UCKL1: variants seen among roughly 807,000 people sequenced by gnomAD.
UCKL1 encodes the protein uridine-cytidine kinase-like 1.
UCKL1 carries 65 observed loss-of-function variants against 59.2 expected under a neutral mutation model. The ratio of observed to expected loss-of-function variants is 1.10; its 90% CI spans 0.90 to 1.35. The LOEUF is 1.35. Among genes scored for constraint, UCKL1 ranks in the 40% most tolerant of loss-of-function variants. The pLI, the probability that UCKL1 is intolerant of heterozygous loss-of-function variation, is 0.00. For synonymous variants in UCKL1, 410 were observed against 323.1 expected (o/e 1.27, Z -2.88); for missense variants, 703 against 784.3 (o/e 0.90, Z 1.24).
At chr20:63,948,580 TGTGTGTGAGAGGGAGGGGGCGTGTGTGA>T (rs2056921712) in intron 1 of UCKL1, 5 of 12,592 alleles carry the variant, frequency 4.0e-4, no homozygotes, top group Non-Finnish European at 8.3e-4. Flanking sequence ...AGGGAGGGGA[TGTGTGTGAGAGGGAGGGGGCGTGTGTGA>T]GAGGGAGGGG....
intron 1 of UCKL1, 22 bp from the exon 2 acceptor site, chr20:63,946,665 G>A: frequency 6.2e-7 from 1 of 1,601,138 alleles, no homozygotes; most frequent in Non-Finnish European, 8.5e-7. Flanking sequence ...GATGTACTCG[G>A]ATGTGGCCCA....
At chr20:63,947,925 G>A (rs550120665) in intron 1 of UCKL1, among the ~76,000 whole-genome samples, 8 of 152,326 alleles carry the variant, frequency 5.3e-5, no homozygotes, top group South Asian at 2.1e-4. Flanking sequence ...GCAGGGGGCC[G>A]TGACTGGCCA....
chr20:63,940,457 A>T lies in UCKL1; in HGVS notation c.1331T>A (p.Ile444Asn). 1 of 1,612,152 alleles carries T rather than the reference A, an allele frequency of 6.2e-7. No homozygotes were observed. Among genetic ancestry groups the T allele is most frequent in the Non-Finnish European group, 8.5e-7 (1 of 1,179,722 alleles). ...CATGAGGATCACGTGGTCATCGCTG[A>T]TGTCCTTGGGCAGCCTCAGGTAGTG... The part of the protein sequence containing the change: ...ELHYLRLPKD[I>N]SDDHVILMDC... The change falls in exon 13 of 15, where the codon ATC becomes AAC. Residue 444 changes from isoleucine to asparagine, a missense_variant. Physicochemically the swap from Ile to Asn is moderately radical, Grantham distance 149. Transcript: ENST00000354216.
intron 1 of UCKL1, chr20:63,955,191 G>C (rs1477933707): frequency 6.6e-6 from 1 of 152,222 alleles, no homozygotes; most frequent in Non-Finnish European, 1.5e-5. Flanking sequence ...AAGGGAGGTT[G>C]CAGTGAGCCG....
chr20:63,940,067 G>C lies in UCKL1; in HGVS notation c.1568-12C>G, dbSNP rs779342773. ...GTCGCCAAAGTTCCCTGGAAAAAGG[G>C]GGGGGGGGGTCCAGTGTGGTGGGGC... On this transcript the variant is annotated splice_polypyrimidine_tract_variant and intron_variant, in intron 14 of 14. Transcript: ENST00000354216. 1.5e-5 allele frequency: 17 copies of C among 1,147,074 alleles called. No homozygotes were observed. Among genetic ancestry groups the C allele is most frequent in the Middle Eastern group, 2.1e-4 (1 of 4,876 alleles). The allele number at this position is 1,147,074 out of a possible 1,614,324, so 71.1% of individuals were successfully genotyped here.
At chr20:63,941,591 C>T (rs552971982) in intron 8 of UCKL1, 3 of 248,808 alleles carry the variant, frequency 1.2e-5, no homozygotes, top group Non-Finnish European at 8.8e-6. Context: ...TCCCCAGCCT[C>T]TCCCCGGGGG....
At chr20:63,946,756 G>T in intron 1 of UCKL1, 113 bp from the exon 2 acceptor site, 1 of 1,151,856 alleles carries the variant, frequency 8.7e-7, no homozygotes, top group Non-Finnish European at 1.2e-6. Context: ...GCATGGCTGA[G>T]GCGGGCAGGC....
intron 5 of UCKL1, 79 bp from the exon 6 acceptor site, chr20:63,944,813 G>A: frequency 1.3e-6 from 2 of 1,543,228 alleles, no homozygotes; most frequent in Non-Finnish European, 1.8e-6. Flanking sequence ...CCTGCACTGA[G>A]GCCGCCTGGT....
At chr20:63,947,430 G>A (rs931917125) in intron 1 of UCKL1, among the ~76,000 whole-genome samples, 15 of 152,216 alleles carry the variant, frequency 9.9e-5, no homozygotes, top group African/African-American at 2.9e-4. Context: ...ACGTGAGGGC[G>A]GCGTGTGGGT....
chr20:63,944,479 G>A (rs747203339), intron 6 of UCKL1, 21 bp from the exon 7 acceptor site: 13 of 1,575,678 alleles, frequency 8.3e-6, no homozygotes, highest in East Asian at 7.0e-5. Flanking sequence ...ATGGGGGGGC[G>A]GGTGACCGGG....
chr20:63,946,619 C>A lies in UCKL1; in HGVS notation c.138G>T (p.Arg46Ser). The change falls in exon 2 of 15, where the codon AGG becomes AGT. Residue 46 changes from arginine (R) to serine (S), a missense_variant. Coordinates refer to ENST00000354216, the MANE Select transcript of UCKL1 (RefSeq NM_017859.4). ...EDRSNAESLD[R>S]LLPPVGTGRS... is the part of the protein sequence containing the mutation. ...GCCCAGTGCCCACAGGTGGCAGGAG[C>A]CTGTCCAGGGACTCTGCATTGCTGC... The A allele has an allele frequency of 6.2e-7, 1 of 1,609,704 alleles. No individual in the cohort carries two copies.
rs760009279 is a variant in UCKL1 at position 63,946,651 on chromosome 20, G to C, written c.114-8C>G. 1 of 1,605,488 alleles carries C rather than the reference G, an allele frequency of 6.2e-7. No homozygotes were observed. Among genetic ancestry groups the C allele is most frequent in the South Asian group, 1.1e-5 (1 of 90,958 alleles). ...AGGGACTCTGCATTGCTGCTGCAGAGAGGGATGTACTCGGATGTGGCCCAG... is the reference window on the plus strand; with the variant it reads ...AGGGACTCTGCATTGCTGCTGCAGACAGGGATGTACTCGGATGTGGCCCAG... On this transcript the variant is annotated splice_region_variant and splice_polypyrimidine_tract_variant and intron_variant, in intron 1 of 14. Coordinates refer to ENST00000354216, the MANE Select transcript of UCKL1 (RefSeq NM_017859.4).
chr20:63,945,813 T>A lies in UCKL1; in HGVS notation c.574A>T (p.Lys192Ter). ...IYDFTTHSRK[K>*]DWKTLYGANV... ...GCAGGGCCCTGGCCTACCCAGTCCT[T>A]CTTCCGGCTGTGCGTGGTGAAGTCA... The change falls in exon 4 of 15, where the codon AAG (lysine) becomes TAG (stop). Residue 192 changes from lysine (K) to a stop codon, truncating the protein, a stop_gained. Transcript: ENST00000354216. LOFTEE classifies it high-confidence loss of function. 6.2e-7 allele frequency: 1 copy of A among 1,613,580 alleles called. No homozygotes were observed.
At chr20:63,943,441 C>T (rs554023486) in intron 8 of UCKL1, among the ~76,000 whole-genome samples, 36 of 152,316 alleles carry the variant, frequency 2.4e-4, no homozygotes, top group African/African-American at 8.7e-4. Flanking sequence ...GTCAGGACTC[C>T]GTGACGCTGG....
chr20:63,947,971 A>C (rs2056696474), intron 1 of UCKL1, among the ~76,000 whole-genome samples: 1 of 152,122 alleles, frequency 6.6e-6, no homozygotes, highest in Non-Finnish European at 1.5e-5. Flanking sequence ...GGGGAGGCTC[A>C]ATATGGCCGA....
Position 63,941,375 on chromosome 20 carries a change from C to T in UCKL1, c.924-167G>A. The T allele has an allele frequency of 4.7e-6, 5 of 1,074,724 alleles. No homozygotes were observed. The South Asian group carries it at 4.8e-5, about 10-fold the overall frequency. 66.6% of individuals were successfully genotyped at this position (1,074,724 alleles called of 1,614,324 possible). Reference sequence around the variant, plus strand: ...CTGGGGCTGAGCTGGGGGGAGACGTCGCCCTACCTGAGCTGTCAGGCAAAG... The same window carrying T: ...CTGGGGCTGAGCTGGGGGGAGACGTTGCCCTACCTGAGCTGTCAGGCAAAG... On this transcript the variant is annotated intron_variant, in intron 8 of 14. Transcript: ENST00000354216.
At chr20:63,949,705 C>A (rs532017074) in intron 1 of UCKL1, among the ~76,000 whole-genome samples, 8 of 152,320 alleles carry the variant, frequency 5.3e-5, no homozygotes, top group African/African-American at 1.9e-4. Context: ...CTATGCCTAA[C>A]CCCAGCATCT....
At chr20:63,946,042 G>A (rs2056093954) in intron 3 of UCKL1, 67 bp from the exon 4 acceptor site, 1 of 1,610,406 alleles carries the variant, frequency 6.2e-7, no homozygotes, top group African/African-American at 1.3e-5. Flanking sequence ...AGCGGACAGG[G>A]GCTCTAGGCC....
At position 63,944,741 on chromosome 20, in the gene UCKL1, G is replaced by A. The variant is rs751426980; in HGVS notation, c.655-7C>T. The A allele has an allele frequency of 5.6e-6, 9 of 1,611,838 alleles. No individual in the cohort carries two copies. The South Asian group carries it at 6.6e-5, about 12-fold the overall frequency. On this transcript the variant is annotated splice_region_variant and splice_polypyrimidine_tract_variant and intron_variant, in intron 5 of 14. Transcript: ENST00000354216. Reference sequence around the variant, plus strand: ...AGATCTTCATGTCCAGGAGCTGGTGGAGACAGCGGGCCAGTGAGTGGCCAG... The same window carrying A: ...AGATCTTCATGTCCAGGAGCTGGTGAAGACAGCGGGCCAGTGAGTGGCCAG...
Sources: gnomAD v4.1 joint callset for allele counts (sites outside exome capture counted in the v4.1 genomes callset) on GRCh38, gnomAD v4.1.1 for gene constraint, MANE v1.5 for transcripts, NCBI Gene and HGNC (gene_info 2026-07-23, HGNC 2026-07-21) for gene names.